The following ZNF652 variants were observed in gnomAD, a reference collection of about 807,000 sequenced individuals.
ZNF652 encodes the protein zinc finger protein 652.
ZNF652 carries 16 observed loss-of-function variants against 45.2 expected under a neutral mutation model. The ratio of observed to expected loss-of-function variants is 0.35; its 90% confidence interval spans 0.24 to 0.54. The LOEUF (loss-of-function observed/expected upper bound fraction) is 0.54, where lower values mean the gene tolerates loss of function less well. ZNF652 is among the 20% of genes least tolerant of loss of function. The probability of loss-of-function intolerance (pLI) is 0.91; values close to 1 mark genes in which losing one functional copy is unlikely to be tolerated. For missense variants in ZNF652, 614 were observed against 765.6 expected (o/e 0.80, Z 2.34); for synonymous variants, 250 against 260.6 (o/e 0.96, Z 0.39).
intron 1 of ZNF652, among the ~76,000 whole-genome samples, chr17:49,356,586 T>TA (rs1439572498): frequency 6.6e-6 from 1 of 152,140 alleles, no homozygotes; most frequent in African/African-American, 2.4e-5. Flanking sequence ...TTAGGGCTAT[T>TA]ATACATTCTA....
chr17:49,342,580 C>T (rs1038341608), intron 1 of ZNF652, among the ~76,000 whole-genome samples: 2 of 117,928 alleles, frequency 1.7e-5, no homozygotes, highest in Non-Finnish European at 3.5e-5. Context: ...GGAATCAATA[C>T]ATTTTCATGC....
At chr17:49,328,671 T>C (rs1421743138) in intron 1 of ZNF652, among the ~76,000 whole-genome samples, 2 of 152,220 alleles carry the variant, frequency 1.3e-5, no homozygotes, top group South Asian at 2.1e-4. Context: ...CATTCTGCCA[T>C]GATTGTACAC....
intron 2 of ZNF652, among the ~76,000 whole-genome samples, chr17:49,314,508 A>G (rs546349669): frequency 6.6e-6 from 1 of 152,240 alleles, no homozygotes; most frequent in South Asian, 2.1e-4. Context: ...TCTAAACTTT[A>G]ATTAACTAAA....
At chr17:49,300,015 G>GT (rs2143703383) in intron 5 of ZNF652, among the ~76,000 whole-genome samples, 1 of 152,230 alleles carries the variant, frequency 6.6e-6, no homozygotes, top group Non-Finnish European at 1.5e-5. Flanking sequence ...CCAAACAAAA[G>GT]TAAGAATTTT....
At chr17:49,302,981 A>G (rs74607900) in intron 5 of ZNF652, among the ~76,000 whole-genome samples, 2 of 151,880 alleles carry the variant, frequency 1.3e-5, no homozygotes, top group Admixed American at 1.3e-4. Context: ...ACAAACAAAC[A>G]AAAAAGCATG....
Position 49,295,937 on chromosome 17 carries a change from C to CAAAAAAAAAAAAAAAAAAAAAAAAAAAA in ZNF652, c.*2448_*2475dup. On this transcript the variant is annotated 3_prime_UTR_variant, in exon 6 of 6. Coordinates refer to ENST00000430262, the MANE Select transcript of ZNF652 (RefSeq NM_001145365.3). ...CAGGCAACAGAACAAGACTCTGCCT[C>CAAAAAAAAAAAAAAAAAAAAAAAAAAAA]AAAAAAAAAAAAAAAAAAAAAAAAA... 2.0e-5 allele frequency: 1 copy of CAAAAAAAAAAAAAAAAAAAAAAAAAAAA among 51,222 alleles called. No homozygotes were observed. Among genetic ancestry groups the CAAAAAAAAAAAAAAAAAAAAAAAAAAAA allele is most frequent in the Non-Finnish European group, 3.6e-5 (1 of 27,552 alleles). The allele number at this position is 51,222 out of a possible 1,614,324, so 3.2% of individuals were successfully genotyped here.
chr17:49,338,118 G>C (rs2070105488), intron 1 of ZNF652, among the ~76,000 whole-genome samples: 1 of 151,078 alleles, frequency 6.6e-6, no homozygotes, highest in South Asian at 2.1e-4. Context: ...TTCCTGAGTA[G>C]CTGGCACACG....
At chr17:49,313,973 C>CAAAAAAAAAAAAAAAAAAAAAAAAAAAAA (rs71144595) in intron 2 of ZNF652, among the ~76,000 whole-genome samples, 1 of 22,866 alleles carries the variant, frequency 4.4e-5, no homozygotes, top group Non-Finnish European at 7.3e-5. Flanking sequence ...AACTCCATCT[C>CAAAAAAAAAAAAAAAAAAAAAAAAAAAAA]AAAAAAAAAA....
rs1408822530 is a variant in ZNF652, at chr17:49,294,403, T to G, written c.*4010A>C. ...AAGTACAGGTAACTGATTTGCACAG[T>G]CTTCTTTGAACTAAAGTTTTTTTTG... On this transcript the variant is annotated 3_prime_UTR_variant, in exon 6 of 6. Coordinates refer to ENST00000430262, the MANE Select transcript of ZNF652 (RefSeq NM_001145365.3). Among the ~76,000 whole-genome samples the G allele has an allele frequency of 6.6e-6, 1 of 152,188 alleles. No homozygotes were observed. Among genetic ancestry groups the G allele is most frequent in the Non-Finnish European group, 1.5e-5 (1 of 68,016 alleles).
intron 2 of ZNF652, 24 bp from the exon 3 acceptor site, chr17:49,312,869 T>C: frequency 6.2e-7 from 1 of 1,607,130 alleles, no homozygotes; most frequent in East Asian, 2.2e-5. Context: ...ATAGAAATAA[T>C]ATTTATAGGG....
intron 1 of ZNF652, among the ~76,000 whole-genome samples, chr17:49,348,450 G>C (rs1034128185): frequency 7.1e-6 from 1 of 139,878 alleles, no homozygotes; most frequent in Admixed American, 7.3e-5. Flanking sequence ...TGAGCCTCAG[G>C]CTGGGTGACA....
chr17:49,333,520 T>C (rs1191678987), intron 1 of ZNF652, among the ~76,000 whole-genome samples: 3 of 119,366 alleles, frequency 2.5e-5, no homozygotes, highest in Non-Finnish European at 5.0e-5. Context: ...CCATCCTGGC[T>C]AACATAGTGA....
chr17:49,298,332 A>G lies in ZNF652; in HGVS notation c.*81T>C. On this transcript the variant is annotated 3_prime_UTR_variant, in exon 6 of 6. Transcript: ENST00000430262. The stretch of plus-strand genomic sequence containing the variant: ...AGAGGCGGAGGAGAGTCTGAGAACT[A>G]AGGAAATGCTCACCGACTCCCTCTG... The G allele has an allele frequency of 6.4e-7, 1 of 1,550,472 alleles. No individual in the cohort carries two copies. Among genetic ancestry groups the G allele is most frequent in the Non-Finnish European group, 8.8e-7 (1 of 1,141,272 alleles).
At chr17:49,336,801 A>AT (rs945482594) in intron 1 of ZNF652, among the ~76,000 whole-genome samples, 5 of 150,230 alleles carry the variant, frequency 3.3e-5, no homozygotes, top group South Asian at 4.2e-4. Context: ...TAGTTTTTGT[A>AT]TTTTTTTTAG....
Position 49,317,449 on chromosome 17 carries a change from C to T in ZNF652, c.277G>A (p.Val93Ile), listed in dbSNP as rs770401513. Residue 93 changes from valine (V) to isoleucine (I), a missense_variant, in exon 2 of 6, where the codon GTT becomes ATT. By Grantham distance (29) the Val-to-Ile change is conservative. Transcript: ENST00000430262. ...ETRAVSDVHA[V>I]KEDRENSDDT... The stretch of plus-strand genomic sequence containing the variant: ...TCAGAATTCTCCCGGTCTTCCTTAA[C>T]AGCATGCACGTCAGACACTGCTCTT... The T allele has an allele frequency of 1.2e-6, 2 of 1,614,058 alleles. No individual in the cohort carries two copies. Among genetic ancestry groups the T allele is most frequent in the East Asian group, 2.2e-5 (1 of 44,890 alleles).
chr17:49,312,906 TG>T, intron 2 of ZNF652, 61 bp from the exon 3 acceptor site: 1 of 1,542,736 alleles, frequency 6.5e-7, no homozygotes, highest in South Asian at 1.2e-5. Flanking sequence ...ACCAGCCTAC[TG>T]GCAGACCAAA....
rs1429988114 is a variant in ZNF652, at chr17:49,291,415, A to G, written c.*6998T>C. The G allele has an allele frequency of 6.6e-6, 1 of 152,262 alleles. No homozygotes were observed. Among genetic ancestry groups the G allele is most frequent in the African/African-American group, 2.4e-5 (1 of 41,456 alleles). 9.4% of individuals were successfully genotyped at this position (152,262 alleles called of 1,614,324 possible). A position where few individuals can be genotyped will look rare whatever the true frequency, so the allele number is the denominator to read the frequency against. ...TCAGATTTCCTTCTGAAGTTAAGCA[A>G]AATTCAGCTTCTACCTCCTTTCTTG... On this transcript the variant is annotated 3_prime_UTR_variant, in exon 6 of 6. Transcript: ENST00000430262.
chr17:49,352,097 G>A (rs1225369739), intron 1 of ZNF652, among the ~76,000 whole-genome samples: 1 of 152,200 alleles, frequency 6.6e-6, no homozygotes, highest in East Asian at 1.9e-4. Context: ...TTAGCTTACA[G>A]ATATAACATA....
In ZNF652 at chr17:49,316,809, T is replaced by G. The variant is rs2069810688; in HGVS notation, c.900+17A>C. 6.3e-7 allele frequency: 1 copy of G among 1,590,866 alleles called. No homozygotes were observed. Among genetic ancestry groups the G allele is most frequent in the Non-Finnish European group, 8.5e-7 (1 of 1,170,412 alleles). On this transcript the variant is annotated intron_variant, in intron 2 of 5. Coordinates refer to ENST00000430262, the MANE Select transcript of ZNF652 (RefSeq NM_001145365.3). ...GTTCTATCCTGAAAAGTTTTCCCTC[T>G]CGGTGATGAAACCTACCTGAATGTT...
Sources: allele counts gnomAD v4.1 joint callset (sites outside exome capture counted in the v4.1 genomes callset), GRCh38; gene constraint gnomAD v4.1.1; transcripts MANE v1.5; gene names NCBI Gene and HGNC (gene_info 2026-07-23, HGNC 2026-07-21).